The following SEC24B variants were observed in gnomAD, a reference collection of about 807,000 sequenced individuals.
SEC24B encodes protein transport protein Sec24B.
Under a neutral mutation model 142.8 loss-of-function variants are expected in SEC24B, and 45 were observed. That is an observed-to-expected ratio of 0.32 (90% CI 0.25 to 0.40). The LOEUF (loss-of-function observed/expected upper bound fraction) is 0.40. Ranked by LOEUF, SEC24B falls within the 10% of genes least tolerant of loss-of-function variation. The pLI, the probability that SEC24B is intolerant of heterozygous loss-of-function variation, is 1.00. For missense variants in SEC24B, 1,409 were observed against 1,526.8 expected (o/e 0.92, Z 1.29); for synonymous variants, 574 against 568.2 (o/e 1.01, Z -0.15).
chr4:109,520,079 C>T (rs1723437977), intron 11 of SEC24B, among the ~76,000 whole-genome samples: 2 of 152,168 alleles, frequency 1.3e-5, no homozygotes, highest in Non-Finnish European at 2.9e-5. Context: ...ACATTAAAAT[C>T]TGATTTGCAG....
intron 11 of SEC24B, among the ~76,000 whole-genome samples, chr4:109,517,821 A>C: frequency 6.6e-6 from 1 of 152,160 alleles, no homozygotes; most frequent in South Asian, 2.1e-4. Flanking sequence ...TGAGCAAGGA[A>C]TTTTTTCCAT....
At chr4:109,498,414 T>C (rs892362522) in intron 6 of SEC24B, among the ~76,000 whole-genome samples, 8 of 152,170 alleles carry the variant, frequency 5.3e-5, no homozygotes, top group African/African-American at 1.9e-4. Context: ...CTGGAGTTCA[T>C]TGGCGCAATC....
intron 1 of SEC24B, among the ~76,000 whole-genome samples, chr4:109,448,530 G>C (rs1729701946): frequency 6.6e-6 from 1 of 151,952 alleles, no homozygotes; most frequent in South Asian, 2.1e-4. Context: ...AGCCTCCCAG[G>C]TTCAAGCGAT....
At chr4:109,434,239 C>T (rs970339207) in intron 1 of SEC24B, among the ~76,000 whole-genome samples, 6 of 151,872 alleles carry the variant, frequency 4.0e-5, no homozygotes, top group Admixed American at 6.6e-5. Flanking sequence ...GGGGCGGGGG[C>T]CGGCCTGGGA....
At chr4:109,487,190 G>A (rs1313130014) in intron 4 of SEC24B, among the ~76,000 whole-genome samples, 3 of 149,180 alleles carry the variant, frequency 2.0e-5, no homozygotes, top group Non-Finnish European at 4.4e-5. Flanking sequence ...AAAAAGAAAA[G>A]TGTATTAATT....
Position 109,525,359 on chromosome 4 carries a change from G to A in SEC24B, c.2646G>A (p.Lys882=). ...TTCTCTCTAAAGCTTGCATGTCCAA[G>A]TATTCTGCAGGGTGCATCTATTATT... ...SDLASLACMS[K]YSAGCIYYYP... is the part of the protein sequence containing the mutation. Residue 882 remains lysine, a synonymous_variant, in exon 16 of 24, where the codon AAG becomes AAA. Transcript: ENST00000265175. 6.3e-7 allele frequency: 1 copy of A among 1,593,938 alleles called. No individual in the cohort carries two copies. Among genetic ancestry groups the A allele is most frequent in the South Asian group, 1.2e-5 (1 of 86,030 alleles).
At chr4:109,437,226 A>G (rs1728490116) in intron 1 of SEC24B, among the ~76,000 whole-genome samples, 1 of 152,118 alleles carries the variant, frequency 6.6e-6, no homozygotes, top group Admixed American at 6.5e-5. Flanking sequence ...AAAAATTCAC[A>G]CATCTGGTCA....
chr4:109,506,330 G>A lies in SEC24B; in HGVS notation c.1491G>A (p.Gln497=). ...VYSGFQQYPQ[Q]YPGVNQLSSS... Reference sequence around the variant, plus strand: ...TTTGTTTTGAATTGCTCTTTCAGCAGTATCCTGGTGTGAACCAGCTATCCT... The same window carrying A: ...TTTGTTTTGAATTGCTCTTTCAGCAATATCCTGGTGTGAACCAGCTATCCT... The change falls in exon 7 of 24, where the codon CAG becomes CAA. Residue 497 remains glutamine, a splice_region_variant and synonymous_variant. Transcript: ENST00000265175. 1 of 1,530,796 alleles carries A rather than the reference G, an allele frequency of 6.5e-7. No individual in the cohort carries two copies. The highest frequency in any genetic ancestry group is 8.7e-7 in the Non-Finnish European group (1 of 1,144,372). The allele number at this position is 1,530,796 out of a possible 1,614,324, so 94.8% of individuals were successfully genotyped here.
intron 3 of SEC24B, 118 bp from the exon 4 acceptor site, chr4:109,481,559 A>C: frequency 1.5e-6 from 1 of 673,264 alleles, no homozygotes; most frequent in Non-Finnish European, 2.6e-6. Context: ...ATTAATATGC[A>C]TGTTGGGATG....
chr4:109,537,973 ACTTTTAGGTC>A (rs1282310975), intron 22 of SEC24B, among the ~76,000 whole-genome samples: 1 of 152,164 alleles, frequency 6.6e-6, no homozygotes, highest in Non-Finnish European at 1.5e-5. Flanking sequence ...AAAATAATAG[ACTTTTAGGTC>A]CTTTTAAAAT....
chr4:109,451,625 C>A (rs967037519), intron 1 of SEC24B, among the ~76,000 whole-genome samples: 2 of 152,104 alleles, frequency 1.3e-5, no homozygotes, highest in Non-Finnish European at 2.9e-5. Context: ...TTGCCTTATC[C>A]CAGTACCAAA....
intron 2 of SEC24B, among the ~76,000 whole-genome samples, chr4:109,471,141 T>C (rs575980776): frequency 6.6e-6 from 1 of 152,154 alleles, no homozygotes; most frequent in East Asian, 1.9e-4. Context: ...ATACCTGATA[T>C]GATTTCATTT....
intron 1 of SEC24B, among the ~76,000 whole-genome samples, chr4:109,444,599 T>G (rs1729265984): frequency 6.6e-6 from 1 of 151,882 alleles, no homozygotes; most frequent in African/African-American, 2.4e-5. Context: ...GAGAATCTGG[T>G]GTCTGAAAGG....
At chr4:109,447,008 T>C (rs1729538633) in intron 1 of SEC24B, among the ~76,000 whole-genome samples, 2 of 152,262 alleles carry the variant, frequency 1.3e-5, no homozygotes, top group Admixed American at 1.3e-4. Context: ...GTCATAAGGG[T>C]CCAAAATACT....
At chr4:109,490,015 G>C (rs1342137999) in intron 4 of SEC24B, among the ~76,000 whole-genome samples, 1 of 152,022 alleles carries the variant, frequency 6.6e-6, no homozygotes, top group Admixed American at 6.6e-5. Context: ...ATAAATATTA[G>C]TGTCTTCTAC....
intron 1 of SEC24B, among the ~76,000 whole-genome samples, chr4:109,460,915 TGAA>T (rs1436107672): frequency 6.6e-6 from 1 of 151,742 alleles, no homozygotes; most frequent in Non-Finnish European, 1.5e-5. Context: ...AATCTTGAAA[TGAA>T]GAAACCTCTA....
chr4:109,449,168 G>A (rs1729790955), intron 1 of SEC24B, among the ~76,000 whole-genome samples: 1 of 152,132 alleles, frequency 6.6e-6, no homozygotes, highest in Non-Finnish European at 1.5e-5. Flanking sequence ...TTGGTTAAGA[G>A]GGTTGTCTTA....
intron 20 of SEC24B, among the ~76,000 whole-genome samples, chr4:109,531,922 T>G (rs1402931070): frequency 6.6e-6 from 1 of 151,708 alleles, no homozygotes; most frequent in Non-Finnish European, 1.5e-5. Context: ...TGCAGTGGTG[T>G]GATCTCGGCT....
At chr4:109,463,792 T>G in intron 2 of SEC24B, 148 bp downstream of exon 2, 1 of 1,283,644 alleles carries the variant, frequency 7.8e-7, no homozygotes, top group Non-Finnish European at 1.0e-6. Context: ...TAGCACCTCT[T>G]TGAACCCTTT....
Sources: allele counts gnomAD v4.1 joint callset (sites outside exome capture counted in the v4.1 genomes callset), GRCh38; gene constraint gnomAD v4.1.1; transcripts MANE v1.5; gene names NCBI Gene and HGNC (gene_info 2026-07-23, HGNC 2026-07-21).